INPP5B: variants seen among roughly 807,000 people sequenced by gnomAD.
INPP5B encodes inositol polyphosphate-5-phosphatase B, also known as type II inositol 1,4,5-trisphosphate 5-phosphatase.
A neutral mutation model predicts 118.5 loss-of-function variants in INPP5B; 90 were observed. The observed-to-expected ratio is 0.76, with a 90% CI of 0.64 to 0.90. The LOEUF (loss-of-function observed/expected upper bound fraction) is 0.90, where lower values mean the gene tolerates loss of function less well. INPP5B is among the 40% of genes least tolerant of loss of function. INPP5B has a pLI of 0.00. For synonymous variants in INPP5B, 385 were observed against 418.9 expected (o/e 0.92, Z 0.99); for missense variants, 984 against 1,125.6 (o/e 0.87, Z 1.80).
At chr1:37,892,777 C>T (rs1207307636) in intron 7 of INPP5B, among the ~76,000 whole-genome samples, 2 of 152,190 alleles carry the variant, frequency 1.3e-5, no homozygotes, top group East Asian at 3.8e-4. Flanking sequence ...TCCTAACCCC[C>T]AAGATAACAT....
intron 7 of INPP5B, among the ~76,000 whole-genome samples, chr1:37,896,582 C>T (rs1284235719): frequency 6.8e-5 from 10 of 146,796 alleles, no homozygotes; most frequent in African/African-American, 1.0e-4. Context: ...CCAGCCGCTC[C>T]GTCCGGGAAG....
At chr1:37,866,384 ATT>A in intron 21 of INPP5B, 73 bp downstream of exon 21, 1 of 539,748 alleles carries the variant, frequency 1.9e-6, no homozygotes, top group Non-Finnish European at 3.3e-6. Flanking sequence ...TCTCACTCAT[ATT>A]CTCTCTCTCT....
At chr1:37,921,852 C>T (rs768038222) in intron 7 of INPP5B, among the ~76,000 whole-genome samples, 6 of 151,836 alleles carry the variant, frequency 4.0e-5, no homozygotes, top group Non-Finnish European at 5.9e-5. Context: ...TCTACTAATA[C>T]AAAACTTAGC....
At chr1:37,920,263 T>C (rs1169392038) in intron 7 of INPP5B, among the ~76,000 whole-genome samples, 1 of 152,146 alleles carries the variant, frequency 6.6e-6, no homozygotes, top group Non-Finnish European at 1.5e-5. Flanking sequence ...AAAATTTAAC[T>C]TCAGCAAAAG....
intron 7 of INPP5B, among the ~76,000 whole-genome samples, chr1:37,927,539 CTTTTTT>C (rs755352733): frequency 2.1e-5 from 3 of 142,470 alleles, no homozygotes; most frequent in African/African-American, 7.7e-5. Flanking sequence ...CTTTTTCTTT[CTTTTTT>C]TTTTTTTTTG....
chr1:37,893,862 C>T (rs549075350), intron 7 of INPP5B, among the ~76,000 whole-genome samples: 2 of 152,294 alleles, frequency 1.3e-5, no homozygotes, highest in South Asian at 4.1e-4. Flanking sequence ...GCAAAGATCC[C>T]GTCAGAAAGC....
chr1:37,895,576 G>T (rs559639796), intron 7 of INPP5B, among the ~76,000 whole-genome samples: 2 of 151,066 alleles, frequency 1.3e-5, no homozygotes, highest in African/African-American at 2.4e-5. Flanking sequence ...GAAGCTGGAC[G>T]GTACTGCTGC....
At position 37,894,680 on chromosome 1, in the gene INPP5B, GCCT is replaced by G. The variant is rs542586228; in HGVS notation, c.533-3229_533-3227del. 6.0e-5 allele frequency among the ~76,000 whole-genome samples: 9 copies of G among 151,038 alleles called. No homozygotes were observed. The South Asian group carries it at 1.3e-3, about 21-fold the overall frequency. ...GGGTTCAAGCTATTCTCCTGCCTCA[GCCT>G]CCCGAGTAGCTGGGATTAGAGACAC... On this transcript the variant is annotated intron_variant, in intron 7 of 23. Transcript: ENST00000373024.
chr1:37,936,723 T>G (rs1463639154), intron 6 of INPP5B, among the ~76,000 whole-genome samples: 1 of 145,446 alleles, frequency 6.9e-6, no homozygotes, highest in East Asian at 2.0e-4. Flanking sequence ...GAGCAGAACT[T>G]TTTTTTTTTT....
rs140327568 is a variant in INPP5B, at chr1:37,932,020, A to G, written c.425T>C (p.Leu142Pro). The G allele has an allele frequency of 3.7e-6, 6 of 1,603,556 alleles. No homozygotes were observed. The highest frequency in any genetic ancestry group is 2.2e-5 in the East Asian group (1 of 44,622). Residue 142 changes from leucine to proline, a missense_variant, in exon 7 of 24, where the codon CTG (leucine) becomes CCG (proline). By Grantham distance (98) the Leu-to-Pro change is moderately conservative. This residue lies in a region of INPP5B where 350 missense variants were observed against 334.6 expected (regional missense o/e 1.05). Transcript: ENST00000373024. ...TGCGCACCTATACCGAGACAGCCAC[A>G]GGAATTCAGGATCCCGGGTCGCAGA... ...FDSATRDPEF[L>P]WLSRYRCAEL...
At chr1:37,911,491 AC>A (rs1383820453) in intron 7 of INPP5B, among the ~76,000 whole-genome samples, 1 of 152,018 alleles carries the variant, frequency 6.6e-6, no homozygotes, top group Non-Finnish European at 1.5e-5. Context: ...TGGCAGTTCC[AC>A]CAGGCCTAAT....
rs1288958907 is a variant in INPP5B at position 37,907,707 on chromosome 1, C to A, written c.533-16253G>T. 6.6e-6 allele frequency among the ~76,000 whole-genome samples: 1 copy of A among 152,184 alleles called. No homozygotes were observed. The highest frequency in any genetic ancestry group is 2.4e-5 in the African/African-American group (1 of 41,452). ...CCAAGATGGCCATGAGAGTGACCCA[C>A]CTCGTCCTCATTGCTACATTCCCTC... On this transcript the variant is annotated intron_variant, in intron 7 of 23. Coordinates refer to ENST00000373024, the MANE Select transcript of INPP5B (RefSeq NM_005540.3). The surrounding 1 kb of genome is among the most constrained non-coding windows in gnomAD (Gnocchi z 4.3).
chr1:37,875,665 G>A lies in INPP5B; in HGVS notation c.1729C>T (p.Arg577Cys), dbSNP rs555111201. 74 of 1,614,122 alleles carry A rather than the reference G, an allele frequency of 4.6e-5. 1 individual carries two copies. The South Asian group carries it at 7.5e-4, about 16-fold the overall frequency. ...LYRKTLEEIV[R>C]SLDKMENANI... ...GCATTTTCCATCTTATCCAGGGAGC[G>A]AACAATTTCCTCCAGTGTCTTCCGG... Residue 577 changes from arginine (R) to cysteine (C), a missense_variant, in exon 17 of 24, where the codon CGC becomes TGC. Physicochemically the swap from Arg to Cys is radical, Grantham distance 180. Around this residue, in one of 2 missense-constraint regions of INPP5B, gnomAD observed 634 missense variants for 791.0 expected, o/e 0.80. Coordinates refer to ENST00000373024, the MANE Select transcript of INPP5B (RefSeq NM_005540.3).
At chr1:37,871,978 C>G (rs1252696833) in intron 19 of INPP5B, among the ~76,000 whole-genome samples, 1 of 145,226 alleles carries the variant, frequency 6.9e-6, no homozygotes, top group Admixed American at 7.1e-5. Context: ...GCAGGAGAAT[C>G]ACTTGAGCCC....
chr1:37,931,517 TCTGCCCCAGTGTCC>T (rs1165018244), intron 7 of INPP5B: 1 of 1,535,082 alleles, frequency 6.5e-7, no homozygotes, highest in Admixed American at 2.0e-5. Context: ...TCACAGAACT[TCTGCCCCAGTGTCC>T]CAGCCTCCAG....
intron 7 of INPP5B, chr1:37,931,360 T>C: frequency 4.0e-6 from 5 of 1,250,226 alleles, no homozygotes; most frequent in Non-Finnish European, 5.3e-6. Context: ...CAAGCTCAGA[T>C]GGAGCAACAG....
intron 14 of INPP5B, among the ~76,000 whole-genome samples, chr1:37,880,498 C>T (rs1173255775): frequency 6.7e-6 from 1 of 148,336 alleles, no homozygotes; most frequent in Non-Finnish European, 1.5e-5. Context: ...AGTGCAATGG[C>T]GCAATCTCGG....
chr1:37,896,350 C>T (rs1216017309), intron 7 of INPP5B, among the ~76,000 whole-genome samples: 1 of 149,140 alleles, frequency 6.7e-6, no homozygotes, highest in African/African-American at 2.5e-5. Context: ...GGAGCCCCTC[C>T]GCCCGGCAGC....
At chr1:37,897,210 G>A (rs1428903241) in intron 7 of INPP5B, among the ~76,000 whole-genome samples, 1 of 151,714 alleles carries the variant, frequency 6.6e-6, no homozygotes, top group Admixed American at 6.6e-5. Context: ...CCTCTGCCCG[G>A]CCACCACCCC....
Sources: allele counts gnomAD v4.1 joint callset (sites outside exome capture counted in the v4.1 genomes callset), GRCh38; gene constraint gnomAD v4.1.1; regional missense constraint gnomAD v4.1.1; non-coding constraint Gnocchi (gnomAD v3.1); transcripts MANE v1.5; gene names NCBI Gene and HGNC (gene_info 2026-07-23, HGNC 2026-07-21).